CLEC16A: variants seen among roughly 807,000 people sequenced by gnomAD.
CLEC16A encodes the protein C-type lectin domain containing 16A, also known as protein CLEC16A.
In CLEC16A, 51 loss-of-function variants were observed where a neutral mutation model predicts 109.5. That is an observed-to-expected ratio of 0.47 (90% CI 0.37 to 0.59). The LOEUF (loss-of-function observed/expected upper bound fraction) is 0.59. Among genes scored for constraint, CLEC16A ranks in the 20% least tolerant of loss-of-function variants. The pLI is 0.00. For missense variants in CLEC16A, 1,339 were observed against 1,394.0 expected, an observed-to-expected ratio of 0.96 and a Z score of 0.63; for synonymous variants, 673 against 564.2, an observed-to-expected ratio of 1.19 and a Z score of -2.73.
At chr16:11,059,800 A>G (rs989545748) in intron 18 of CLEC16A, among the ~76,000 whole-genome samples, 10 of 152,162 alleles carry the variant, frequency 6.6e-5, no homozygotes, top group Non-Finnish European at 1.3e-4. Flanking sequence ...CATGCGAGCT[A>G]TCATGCCCAT....
chr16:11,061,780 G>C (rs2048492348), intron 19 of CLEC16A, among the ~76,000 whole-genome samples: 1 of 152,196 alleles, frequency 6.6e-6, no homozygotes, highest in African/African-American at 2.4e-5. Context: ...GAAATTGGCT[G>C]ATGTCACTGG....
At chr16:11,118,453 C>T (rs1231206982) in intron 19 of CLEC16A, among the ~76,000 whole-genome samples, 2 of 152,210 alleles carry the variant, frequency 1.3e-5, no homozygotes, top group Non-Finnish European at 2.9e-5. Flanking sequence ...CCATGTACAA[C>T]ATCCACTGCA....
chr16:11,104,295 A>T (rs2051093435), intron 19 of CLEC16A, among the ~76,000 whole-genome samples: 1 of 150,662 alleles, frequency 6.6e-6, no homozygotes, highest in Non-Finnish European at 1.5e-5. Context: ...TATTAAAATT[A>T]TCTCCCTAGG....
chr16:11,001,760 G>GCC (rs1488502496), intron 10 of CLEC16A, among the ~76,000 whole-genome samples: 31 of 152,082 alleles, frequency 2.0e-4, no homozygotes, highest in Admixed American at 2.0e-3. Context: ...TCCCACCTCA[G>GCC]CCCCGCAAAG....
intron 9 of CLEC16A, among the ~76,000 whole-genome samples, chr16:10,979,802 T>G (rs536668894): frequency 1.3e-5 from 2 of 152,240 alleles, no homozygotes; most frequent in African/African-American, 4.8e-5. Flanking sequence ...CTTCCTGAAA[T>G]GAGTCTATTG....
At chr16:11,055,729 C>T (rs2048180916) in intron 18 of CLEC16A, among the ~76,000 whole-genome samples, 2 of 151,232 alleles carry the variant, frequency 1.3e-5, no homozygotes, top group Non-Finnish European at 2.9e-5. Context: ...CATGAGCCAC[C>T]ACGTCCAGCT....
intron 19 of CLEC16A, among the ~76,000 whole-genome samples, chr16:11,091,207 C>T (rs1004160392): frequency 8.5e-5 from 13 of 152,222 alleles, no homozygotes; most frequent in Non-Finnish European, 7.3e-5. Context: ...TGAGCTGCTT[C>T]TATTAAAAGA....
At chr16:10,960,465 G>A (rs780181578) in intron 2 of CLEC16A, among the ~76,000 whole-genome samples, 8 of 152,214 alleles carry the variant, frequency 5.3e-5, no homozygotes, top group African/African-American at 1.7e-4. Context: ...TAGGAGTAAA[G>A]TTCCCCTCTC....
At chr16:10,946,022 C>T (rs947332148) in intron 1 of CLEC16A, among the ~76,000 whole-genome samples, 9 of 152,016 alleles carry the variant, frequency 5.9e-5, no homozygotes, top group Non-Finnish European at 1.2e-4. Flanking sequence ...AGCATGCAGG[C>T]CAGGACCCAG....
At chr16:11,085,365 C>G (rs11859551) in intron 19 of CLEC16A, among the ~76,000 whole-genome samples, 6,814 of 152,326 alleles carry the variant, frequency 0.045, 551 homozygotes, top group African/African-American at 0.16. Flanking sequence ...AGCACGCTTG[C>G]TTCAGGTTGA....
intron 10 of CLEC16A, among the ~76,000 whole-genome samples, chr16:10,990,421 C>CT: frequency 6.6e-6 from 1 of 152,312 alleles, no homozygotes; most frequent in South Asian, 2.1e-4. Flanking sequence ...AGAAGGTGGG[C>CT]TGGACAACTG....
rs1372045053 is a variant in CLEC16A at position 10,954,586 on chromosome 16, A to C, written c.81-3196A>C. Among the ~76,000 whole-genome samples, 1 of 152,296 alleles carries C rather than the reference A, an allele frequency of 6.6e-6. No homozygotes were observed. Among genetic ancestry groups the C allele is most frequent in the South Asian group, 2.1e-4 (1 of 4,826 alleles). Reference sequence around the variant, plus strand: ...CTGTTTACATTTTACTGGTGAGACAACTGAGGTGCACAGAGGGAAAGTAAC... The same window carrying C: ...CTGTTTACATTTTACTGGTGAGACACCTGAGGTGCACAGAGGGAAAGTAAC... On this transcript the variant is annotated intron_variant, in intron 1 of 23. Transcript: ENST00000409790. The surrounding 1 kb of genome is among the most constrained non-coding windows in gnomAD (Gnocchi z 4.2).
chr16:10,956,793 CTTATTTATTTAT>C (rs60491400), intron 1 of CLEC16A, among the ~76,000 whole-genome samples: 1 of 151,756 alleles, frequency 6.6e-6, no homozygotes, highest in Non-Finnish European at 1.5e-5. Context: ...CTCTGCAGCC[CTTATTTATTTAT>C]TTATTTATTT....
chr16:10,996,178 A>G (rs1435573924), intron 10 of CLEC16A, among the ~76,000 whole-genome samples: 1 of 152,174 alleles, frequency 6.6e-6, no homozygotes, highest in Non-Finnish European at 1.5e-5. Flanking sequence ...AACACGTTGC[A>G]TCTATAGGGC....
intron 3 of CLEC16A, among the ~76,000 whole-genome samples, chr16:10,967,101 C>T (rs139971811): frequency 3.3e-5 from 5 of 152,112 alleles, no homozygotes; most frequent in African/African-American, 7.2e-5. Context: ...GACTACAAAC[C>T]GCACAGCCTG....
intron 23 of CLEC16A, among the ~76,000 whole-genome samples, chr16:11,172,127 TAC>T (rs755768791): frequency 1.2e-4 from 18 of 149,270 alleles, no homozygotes; most frequent in Admixed American, 6.0e-4. Flanking sequence ...CACACACACA[TAC>T]ACAGTCACAC....
intron 8 of CLEC16A, among the ~76,000 whole-genome samples, chr16:10,978,979 A>G (rs2043168767): frequency 6.6e-6 from 1 of 152,140 alleles, no homozygotes; most frequent in Admixed American, 6.5e-5. Context: ...TAACTTCCCA[A>G]GAACAGGCCT....
At chr16:11,077,682 T>C (rs2049457711) in intron 19 of CLEC16A, among the ~76,000 whole-genome samples, 1 of 152,046 alleles carries the variant, frequency 6.6e-6, no homozygotes, top group East Asian at 1.9e-4. Context: ...AAAATCCTGA[T>C]TTAAGACTTA....
chr16:11,151,070 C>G (rs1336899305), intron 22 of CLEC16A, among the ~76,000 whole-genome samples: 1 of 152,166 alleles, frequency 6.6e-6, no homozygotes, highest in Non-Finnish European at 1.5e-5. Context: ...CATTCTGAGT[C>G]TGAGGTACTA....
Sources: gnomAD v4.1 joint callset for allele counts (sites outside exome capture counted in the v4.1 genomes callset) on GRCh38, gnomAD v4.1.1 for gene constraint, Gnocchi (gnomAD v3.1) non-coding constraint, MANE v1.5 for transcripts, NCBI Gene and HGNC (gene_info 2026-07-23, HGNC 2026-07-21) for gene names.